The following DOCK7 variants were observed in gnomAD, a reference collection of about 807,000 sequenced individuals.
DOCK7 encodes dedicator of cytokinesis 7.
DOCK7 carries 138 observed loss-of-function variants against 271.0 expected under a neutral mutation model. The ratio of observed to expected loss-of-function variants is 0.51; its 90% CI spans 0.44 to 0.59. The LOEUF (loss-of-function observed/expected upper bound fraction) is 0.59. Among genes scored for constraint, DOCK7 ranks in the 20% least tolerant of loss-of-function variants. The pLI is 0.00. For synonymous variants in DOCK7, 823 were observed against 876.1 expected (o/e 0.94, Z 1.07); for missense variants, 2,066 against 2,592.4 (o/e 0.80, Z 4.41).
At chr1:62,487,705 G>A (rs1646335936) in intron 42 of DOCK7, 2 of 281,732 alleles carry the variant, frequency 7.1e-6, no homozygotes, top group Admixed American at 9.6e-5. Flanking sequence ...TAACTAAGGT[G>A]AGCTGCACTT....
At chr1:62,565,167 G>C (rs1264794888) in intron 18 of DOCK7, among the ~76,000 whole-genome samples, 1 of 152,002 alleles carries the variant, frequency 6.6e-6, no homozygotes, top group Non-Finnish European at 1.5e-5. Context: ...CCAAACAACA[G>C]AAAAAGAGGG....
chr1:62,678,125 C>T (rs981013749), intron 1 of DOCK7, among the ~76,000 whole-genome samples: 3 of 151,834 alleles, frequency 2.0e-5, no homozygotes. Context: ...AAGAGTCCAC[C>T]TCAAAAAAGT....
intron 4 of DOCK7, among the ~76,000 whole-genome samples, chr1:62,651,587 G>T (rs1035531888): frequency 6.1e-5 from 9 of 148,186 alleles, no homozygotes; most frequent in Non-Finnish European, 1.2e-4. Context: ...TATCCACACC[G>T]CCATTAAGCC....
At chr1:62,650,161 CTT>C (rs1262511330) in intron 4 of DOCK7, among the ~76,000 whole-genome samples, 2 of 152,242 alleles carry the variant, frequency 1.3e-5, no homozygotes, top group East Asian at 3.9e-4. Context: ...CTTCATCCTA[CTT>C]TTTTCTCCAC....
chr1:62,598,014 C>A, intron 14 of DOCK7: 1 of 1,573,398 alleles, frequency 6.4e-7, no homozygotes, highest in Admixed American at 2.1e-5. Context: ...TAACTTAATT[C>A]AAAATCAACC....
At chr1:62,516,216 C>T (rs540974849) in intron 31 of DOCK7, among the ~76,000 whole-genome samples, 1 of 152,244 alleles carries the variant, frequency 6.6e-6, no homozygotes, top group African/African-American at 2.4e-5. Flanking sequence ...AAGATGGTCA[C>T]ATTTGCCTAC....
chr1:62,572,897 T>C (rs1377324103), intron 18 of DOCK7, among the ~76,000 whole-genome samples: 1 of 152,192 alleles, frequency 6.6e-6, no homozygotes, highest in East Asian at 1.9e-4. Flanking sequence ...GATTATGCTC[T>C]ATTGCCGTTC....
chr1:62,489,111 T>C, intron 41 of DOCK7, 46 bp from the exon 42 acceptor site: 1 of 1,487,276 alleles, frequency 6.7e-7, no homozygotes, highest in Non-Finnish European at 9.1e-7. Flanking sequence ...TTTACATCAA[T>C]AAGAAAGAAA....
At chr1:62,573,079 C>CA (rs1646835542) in intron 18 of DOCK7, among the ~76,000 whole-genome samples, 2 of 152,150 alleles carry the variant, frequency 1.3e-5, no homozygotes, top group South Asian at 2.1e-4. Context: ...TAAAAAGAAA[C>CA]AGAGTGTGTA....
In DOCK7 at chr1:62,530,542, C is replaced by T. The variant is rs946203261; in HGVS notation, c.3612-1096G>A. On this transcript the variant is annotated intron_variant, in intron 29 of 49. Coordinates refer to ENST00000635253, the MANE Select transcript of DOCK7 (RefSeq NM_001367561.1). ...TGATTGTATCTGCCATTTTACAAAG[C>T]TGTATGTGAAATCTAGATGGAGATT... 2.0e-5 allele frequency: 3 copies of T among 152,200 alleles called. No individual in the cohort carries two copies. The East Asian group carries it at 5.8e-4, about 29-fold the overall frequency. 9.4% of individuals were successfully genotyped at this position (152,200 alleles called of 1,614,324 possible). A position where few individuals can be genotyped will look rare whatever the true frequency, so the allele number is the denominator to read the frequency against.
chr1:62,623,180 T>C (rs1430616919), intron 12 of DOCK7, among the ~76,000 whole-genome samples: 1 of 152,236 alleles, frequency 6.6e-6, no homozygotes, highest in African/African-American at 2.4e-5. Context: ...GTGTCTCATT[T>C]AGGGAAAAAT....
At chr1:62,663,722 T>C (rs1658949482) in intron 1 of DOCK7, among the ~76,000 whole-genome samples, 3 of 152,168 alleles carry the variant, frequency 2.0e-5, no homozygotes. Flanking sequence ...CCTTCCTTCT[T>C]TCATATTCAA....
In DOCK7 at chr1:62,663,025, T is replaced by C. The variant is rs765777144; in HGVS notation, c.144A>G (p.Thr48=). ...ACTATATTTTGAATACGTTACTTAC[T>C]GTGGTGTGATGGGATATATTGCCAA... ...NIVGNISHHT[T]VPLTEAVDPV... Residue 48 remains threonine, a splice_region_variant and synonymous_variant, in exon 2 of 50, where the codon ACA becomes ACG. Transcript: ENST00000635253. 3.1e-6 allele frequency: 5 copies of C among 1,606,734 alleles called. No individual in the cohort carries two copies. The highest frequency in any genetic ancestry group is 4.3e-6 in the Non-Finnish European group (5 of 1,174,044).
intron 31 of DOCK7, among the ~76,000 whole-genome samples, chr1:62,525,151 G>A (rs529548060): frequency 3.3e-5 from 5 of 150,896 alleles, no homozygotes; most frequent in African/African-American, 9.7e-5. Context: ...GATTACAGGC[G>A]CCCACCACCA....
chr1:62,474,601 T>C (rs998046795), intron 47 of DOCK7, among the ~76,000 whole-genome samples: 7 of 152,160 alleles, frequency 4.6e-5, no homozygotes, highest in African/African-American at 1.7e-4. Flanking sequence ...AAGGTATTTA[T>C]TTCAGTTTTG....
chr1:62,644,353 G>A (rs186021838), intron 7 of DOCK7, among the ~76,000 whole-genome samples: 34 of 152,240 alleles, frequency 2.2e-4, no homozygotes, highest in East Asian at 1.3e-3. Flanking sequence ...TGCCAGAGCC[G>A]AAGTTGCAGC....
At chr1:62,604,409 AT>A in intron 14 of DOCK7, 1 of 910,142 alleles carries the variant, frequency 1.1e-6, no homozygotes, top group Non-Finnish European at 1.6e-6. Flanking sequence ...TCAATCAGGT[AT>A]TTTACCTCTA....
At chr1:62,622,493 A>G (rs1032493910) in intron 12 of DOCK7, among the ~76,000 whole-genome samples, 2 of 152,024 alleles carry the variant, frequency 1.3e-5, no homozygotes, top group African/African-American at 4.8e-5. Flanking sequence ...TCACTTTGTC[A>G]CCCAGGCTGG....
rs752032455 is a variant in DOCK7, at chr1:62,586,124, A to G, written c.1800+383T>C. The stretch of plus-strand genomic sequence containing the variant: ...TTCCCACCTCCTTAGCTGGCCTTAC[A>G]TTCTAAAGGGAGTTGAGGAGAATAA... On this transcript the variant is annotated intron_variant, in intron 15 of 49. Coordinates refer to ENST00000635253, the MANE Select transcript of DOCK7 (RefSeq NM_001367561.1). Among the ~76,000 whole-genome samples the G allele has an allele frequency of 4.6e-5, 7 of 152,294 alleles. No individual in the cohort carries two copies. The East Asian group carries it at 1.3e-3, about 29-fold the overall frequency.
Sources: gnomAD v4.1 joint callset for allele counts (sites outside exome capture counted in the v4.1 genomes callset) on GRCh38, gnomAD v4.1.1 for gene constraint, MANE v1.5 for transcripts, NCBI Gene and HGNC (gene_info 2026-07-23, HGNC 2026-07-21) for gene names.